The following LRRIQ1 variants were observed in gnomAD, a reference collection of about 807,000 sequenced individuals.
The protein encoded by LRRIQ1 is leucine rich repeats and IQ motif containing 1.
In LRRIQ1, 210 loss-of-function variants were observed where a neutral mutation model predicts 211.9. That is an observed-to-expected ratio of 0.99 (90% CI 0.89 to 1.11). The LOEUF is 1.11. LRRIQ1 is among the 50% of genes most tolerant of loss of function. The pLI is 0.00. For missense variants in LRRIQ1, 2,136 were observed against 1,939.5 expected, an observed-to-expected ratio of 1.10 and a Z score of -1.90; for synonymous variants, 699 against 650.1, an observed-to-expected ratio of 1.08 and a Z score of -1.14.
chr12:85,254,567 C>CTA (rs1324582488), intron 1 of LRRIQ1, among the ~76,000 whole-genome samples: 2 of 152,022 alleles, frequency 1.3e-5, no homozygotes, highest in African/African-American at 2.4e-5. Flanking sequence ...TAGACTGCAA[C>CTA]TATATATAAA....
At chr12:85,150,293 T>C (rs945856716) in intron 19 of LRRIQ1, among the ~76,000 whole-genome samples, 3 of 151,732 alleles carry the variant, frequency 2.0e-5, no homozygotes, top group Non-Finnish European at 1.5e-5. Flanking sequence ...CAATTATAGC[T>C]GATATACTGG....
intron 7 of LRRIQ1, among the ~76,000 whole-genome samples, chr12:85,054,801 ATT>A (rs1362045770): frequency 6.6e-6 from 1 of 151,450 alleles, no homozygotes; most frequent in Non-Finnish European, 1.5e-5. Context: ...TATCTAGTTT[ATT>A]TAATAGTTTG....
intron 11 of LRRIQ1, among the ~76,000 whole-genome samples, chr12:85,074,553 T>A (rs1046937112): frequency 1.5e-4 from 22 of 151,642 alleles, no homozygotes; most frequent in Admixed American, 2.6e-4. Context: ...TCTGTTTTTT[T>A]TATATATATA....
chr12:85,140,450 C>T (rs1889458227), intron 19 of LRRIQ1, among the ~76,000 whole-genome samples: 1 of 151,272 alleles, frequency 6.6e-6, no homozygotes, highest in Non-Finnish European at 1.5e-5. Flanking sequence ...ACCTCATCTT[C>T]AACCACTTTG....
intron 11 of LRRIQ1, among the ~76,000 whole-genome samples, chr12:85,093,600 C>A (rs1885606253): frequency 6.6e-6 from 1 of 152,180 alleles, no homozygotes; most frequent in African/African-American, 2.4e-5. Context: ...CCACCACTGG[C>A]AGCACATTTC....
intron 26 of LRRIQ1, among the ~76,000 whole-genome samples, chr12:85,244,058 A>G (rs1003991216): frequency 1.3e-5 from 2 of 151,564 alleles, no homozygotes; most frequent in African/African-American, 4.8e-5. Context: ...CTATTTCAGA[A>G]CTGAATCCTA....
At chr12:85,149,419 A>G (rs988135607) in intron 19 of LRRIQ1, among the ~76,000 whole-genome samples, 1 of 151,854 alleles carries the variant, frequency 6.6e-6, no homozygotes, top group East Asian at 1.9e-4. Flanking sequence ...TCTTTTTCCC[A>G]TTGCTTATTT....
Position 85,244,998 on chromosome 12 carries a change from G to C in LRRIQ1, c.*57G>C, listed in dbSNP as rs1043641433. The stretch of plus-strand genomic sequence containing the variant: ...CAACAAGCATTCTTTTTCAGATAGG[G>C]GGTAGGATGCCAGCAACCTGAACTG... On this transcript the variant is annotated 3_prime_UTR_variant, in exon 27 of 27. Coordinates refer to ENST00000393217, the MANE Select transcript of LRRIQ1 (RefSeq NM_001079910.2). The C allele has an allele frequency of 6.3e-7, 1 of 1,580,390 alleles. No homozygotes were observed. The highest frequency in any genetic ancestry group is 8.6e-7 in the Non-Finnish European group (1 of 1,161,652).
At chr12:85,253,066 C>T (rs1009246913) in intron 1 of LRRIQ1, among the ~76,000 whole-genome samples, 1 of 151,828 alleles carries the variant, frequency 6.6e-6, no homozygotes, top group Non-Finnish European at 1.5e-5. Context: ...CAATGTCTTA[C>T]GTGAAATAGG....
intron 11 of LRRIQ1, among the ~76,000 whole-genome samples, chr12:85,097,208 T>C (rs538872695): frequency 6.6e-6 from 1 of 151,936 alleles, no homozygotes; most frequent in Non-Finnish European, 1.5e-5. Flanking sequence ...AGAAATGAGG[T>C]TTAATTGACT....
rs185855028 is a variant in LRRIQ1, at chr12:85,136,693, T to C, written c.4210-1157T>C. 4.1e-4 allele frequency among the ~76,000 whole-genome samples: 60 copies of C among 145,018 alleles called. 1 individual carries two copies. Among genetic ancestry groups the C allele is most frequent in the African/African-American group, 1.5e-3 (57 of 39,300 alleles). ...ATATTTCACTTTGCTCTCTCTCTCT[T>C]TCTGTATATATATATATTTCAGAAT... On this transcript the variant is annotated intron_variant, in intron 18 of 26. Coordinates refer to ENST00000393217, the MANE Select transcript of LRRIQ1 (RefSeq NM_001079910.2).
intron 15 of LRRIQ1, among the ~76,000 whole-genome samples, chr12:85,116,544 T>C (rs897395914): frequency 5.3e-5 from 8 of 152,104 alleles, no homozygotes; most frequent in Non-Finnish European, 1.0e-4. Context: ...AAGACAGCAG[T>C]TTTCTTTTTT....
chr12:85,095,414 A>G (rs1159202851), intron 11 of LRRIQ1, among the ~76,000 whole-genome samples: 1 of 152,150 alleles, frequency 6.6e-6, no homozygotes, highest in African/African-American at 2.4e-5. Context: ...GGTGAATTAC[A>G]TTTATTGATT....
intron 15 of LRRIQ1, among the ~76,000 whole-genome samples, chr12:85,120,248 A>C (rs1234701517): frequency 6.6e-6 from 1 of 152,086 alleles, no homozygotes; most frequent in Non-Finnish European, 1.5e-5. Flanking sequence ...ATGCTTACTC[A>C]TGTGGATTTT....
chr12:85,056,612 A>G lies in LRRIQ1; in HGVS notation c.1819A>G (p.Ile607Val), dbSNP rs1881109940. The G allele has an allele frequency of 1.3e-6, 2 of 1,594,492 alleles. No homozygotes were observed. Among genetic ancestry groups the G allele is most frequent in the Non-Finnish European group, 1.7e-6 (2 of 1,172,300 alleles). Residue 607 changes from isoleucine (I) to valine (V), a missense_variant, in exon 8 of 27, where the codon ATT becomes GTT. Transcript: ENST00000393217. ...ATATAAAGATAAGGATACTTTAGTTATTTCAGTGAAACAAAGATCACTCTC... is the reference window on the plus strand; with the variant it reads ...ATATAAAGATAAGGATACTTTAGTTGTTTCAGTGAAACAAAGATCACTCTC... ...LLYKDKDTLVISVKQRSLSLT... is the reference protein window; with the variant it reads ...LLYKDKDTLVVSVKQRSLSLT...
chr12:85,060,333 A>G (rs553007665), intron 8 of LRRIQ1, among the ~76,000 whole-genome samples: 149 of 152,162 alleles, frequency 9.8e-4, no homozygotes, highest in African/African-American at 3.4e-3. Flanking sequence ...CTAAAGAGCA[A>G]TAATTATGGG....
chr12:85,150,094 G>C (rs1890140486), intron 19 of LRRIQ1, among the ~76,000 whole-genome samples: 1 of 151,652 alleles, frequency 6.6e-6, no homozygotes, highest in Non-Finnish European at 1.5e-5. Context: ...TGGTTTGGCA[G>C]GTGTTTAAGA....
intron 10 of LRRIQ1, among the ~76,000 whole-genome samples, chr12:85,069,527 C>T (rs1484880477): frequency 1.3e-5 from 2 of 152,170 alleles, no homozygotes; most frequent in African/African-American, 4.8e-5. Flanking sequence ...CTGACTTCCA[C>T]AATGGTTGAA....
chr12:85,256,269 G>T (rs1896088328), intron 1 of LRRIQ1, among the ~76,000 whole-genome samples: 1 of 151,590 alleles, frequency 6.6e-6, no homozygotes, highest in Non-Finnish European at 1.5e-5. Context: ...ATTCATGCAT[G>T]CTCTATTGAT....
Sources: allele counts gnomAD v4.1 joint callset (sites outside exome capture counted in the v4.1 genomes callset), GRCh38; gene constraint gnomAD v4.1.1; transcripts MANE v1.5; gene names NCBI Gene and HGNC (gene_info 2026-07-23, HGNC 2026-07-21).